CNTN5: variants seen among roughly 807,000 people sequenced by gnomAD.
The protein encoded by CNTN5 is contactin-5.
Under a neutral mutation model 129.1 loss-of-function variants are expected in CNTN5, and 77 were observed. The observed-to-expected ratio is 0.60, with a 90% CI of 0.50 to 0.72. CNTN5 has a LOEUF of 0.72. CNTN5 is among the 30% of genes least tolerant of loss of function. CNTN5 has a pLI of 0.00. For missense variants in CNTN5, 1,478 were observed against 1,328.8 expected, an observed-to-expected ratio of 1.11 and a Z score of -1.75; for synonymous variants, 509 against 465.6, an observed-to-expected ratio of 1.09 and a Z score of -1.20.
intron 6 of CNTN5, among the ~76,000 whole-genome samples, chr11:99,869,685 TGAA>T (rs1348775957): frequency 1.3e-5 from 2 of 152,106 alleles, no homozygotes; most frequent in African/African-American, 4.8e-5. Context: ...GGCCAAAATA[TGAA>T]GAATTGTTAA....
At chr11:99,610,128 A>G (rs1405894981) in intron 3 of CNTN5, among the ~76,000 whole-genome samples, 6 of 152,160 alleles carry the variant, frequency 3.9e-5, no homozygotes, top group African/African-American at 1.4e-4. Flanking sequence ...AAAACACTTA[A>G]CCCTGCTTTC....
chr11:99,920,542 A>G (rs1409617798), intron 7 of CNTN5, among the ~76,000 whole-genome samples: 8 of 152,168 alleles, frequency 5.3e-5, no homozygotes, highest in Admixed American at 4.6e-4. Flanking sequence ...TTCTCTAGCT[A>G]CAGTCTTTTC....
intron 1 of CNTN5, among the ~76,000 whole-genome samples, chr11:99,139,036 T>C (rs1166725595): frequency 6.6e-6 from 1 of 151,272 alleles, no homozygotes; most frequent in Non-Finnish European, 1.5e-5. Context: ...AGCTCAGGAG[T>C]TCAAGACCAA....
chr11:100,147,103 C>A (rs961924306), intron 13 of CNTN5, among the ~76,000 whole-genome samples: 4 of 152,096 alleles, frequency 2.6e-5, no homozygotes, highest in Non-Finnish European at 5.9e-5. Context: ...TTTAGCATGG[C>A]AAACAAGGTC....
At chr11:99,210,933 C>A (rs1017024950) in intron 1 of CNTN5, among the ~76,000 whole-genome samples, 7 of 152,078 alleles carry the variant, frequency 4.6e-5, no homozygotes, top group Admixed American at 3.9e-4. Flanking sequence ...ATATTAAAAA[C>A]CCAATAAATA....
At chr11:100,263,325 A>G (rs11223448) in intron 17 of CNTN5, among the ~76,000 whole-genome samples, 28,735 of 152,160 alleles carry the variant, frequency 0.19, 3,951 homozygotes, top group East Asian at 0.62. Context: ...AAACTCAACC[A>G]GAATATTATG....
At chr11:99,995,277 C>T (rs901904307) in intron 8 of CNTN5, among the ~76,000 whole-genome samples, 1 of 151,418 alleles carries the variant, frequency 6.6e-6, no homozygotes, top group African/African-American at 2.4e-5. Context: ...GAAGCCAAAT[C>T]TTTGTGATAA....
At chr11:100,176,948 C>T (rs1374884115) in intron 13 of CNTN5, among the ~76,000 whole-genome samples, 1 of 151,660 alleles carries the variant, frequency 6.6e-6, no homozygotes, top group Non-Finnish European at 1.5e-5. Context: ...CCGAGATCTT[C>T]CCAGCACAGA....
At chr11:99,088,994 C>T (rs1201583256) in intron 1 of CNTN5, among the ~76,000 whole-genome samples, 2 of 152,026 alleles carry the variant, frequency 1.3e-5, no homozygotes, top group East Asian at 1.9e-4. Flanking sequence ...AACACAACTT[C>T]TGTAAAATAT....
intron 3 of CNTN5, among the ~76,000 whole-genome samples, chr11:99,650,153 C>A (rs556534179): frequency 2.4e-4 from 37 of 151,940 alleles, no homozygotes; most frequent in African/African-American, 8.7e-4. Context: ...CATTATTACT[C>A]AAGTTGAATC....
intron 1 of CNTN5, among the ~76,000 whole-genome samples, chr11:99,139,546 T>C (rs1859411550): frequency 6.6e-6 from 1 of 152,204 alleles, no homozygotes; most frequent in African/African-American, 2.4e-5. Context: ...AAACATTAGT[T>C]AAAGAGCATG....
chr11:99,857,342 A>G (rs1375892562), intron 6 of CNTN5, among the ~76,000 whole-genome samples: 3 of 152,158 alleles, frequency 2.0e-5, no homozygotes, highest in African/African-American at 4.8e-5. Context: ...AAGTGAATTA[A>G]TAAAATATCC....
At chr11:99,730,080 G>T (rs1943480047) in intron 3 of CNTN5, among the ~76,000 whole-genome samples, 1 of 152,096 alleles carries the variant, frequency 6.6e-6, no homozygotes, top group African/African-American at 2.4e-5. Flanking sequence ...TTAAATGAGA[G>T]GGCTAAGATC....
intron 1 of CNTN5, among the ~76,000 whole-genome samples, chr11:99,083,537 A>G (rs1161006460): frequency 6.6e-6 from 1 of 152,124 alleles, no homozygotes; most frequent in African/African-American, 2.4e-5. Flanking sequence ...TATAATATTG[A>G]TTCTTTCTTC....
chr11:99,963,715 G>A (rs1265911277), intron 8 of CNTN5, among the ~76,000 whole-genome samples: 2 of 152,148 alleles, frequency 1.3e-5, no homozygotes, highest in African/African-American at 4.8e-5. Flanking sequence ...GTAGCTTGAT[G>A]GGGATGGCAT....
chr11:99,172,548 TCA>T (rs1353339056), intron 1 of CNTN5, among the ~76,000 whole-genome samples: 1 of 152,192 alleles, frequency 6.6e-6, no homozygotes, highest in Non-Finnish European at 1.5e-5. Flanking sequence ...TCTCTGAAGC[TCA>T]GTTTTTGTAT....
intron 2 of CNTN5, among the ~76,000 whole-genome samples, chr11:99,496,546 G>A (rs1174085479): frequency 1.3e-5 from 2 of 152,128 alleles, no homozygotes; most frequent in East Asian, 3.9e-4. Context: ...TAAAGTATAT[G>A]GGAACAGCAA....
chr11:99,552,216 T>G lies in CNTN5; in HGVS notation c.-70-3929T>G, dbSNP rs75362533. Reference sequence around the variant, plus strand: ...GCTACGCACCTGGTCAGTTTTTGTGTTTTTTTTTTTGTATTATATTTTGCC... The same window carrying G: ...GCTACGCACCTGGTCAGTTTTTGTGGTTTTTTTTTTGTATTATATTTTGCC... On this transcript the variant is annotated intron_variant, in intron 2 of 24. Transcript: ENST00000524871. Among the ~76,000 whole-genome samples the G allele has an allele frequency of 2.8e-3, 388 of 137,112 alleles. 2 individuals are homozygous for G. The highest frequency in any genetic ancestry group is 7.5e-3 in the African/African-American group (267 of 35,490). The allele number at this position is 137,112 out of a possible 152,430, so 90.0% of individuals were successfully genotyped here.
chr11:99,841,879 CATATACAT>C (rs1371859463), intron 4 of CNTN5, among the ~76,000 whole-genome samples: 1 of 77,172 alleles, frequency 1.3e-5, no homozygotes, highest in East Asian at 2.7e-4. Context: ...TATACACATA[CATATACAT>C]ATATATATAT....
Sources: allele counts gnomAD v4.1 joint callset (sites outside exome capture counted in the v4.1 genomes callset), GRCh38; gene constraint gnomAD v4.1.1; transcripts MANE v1.5; gene names NCBI Gene and HGNC (gene_info 2026-07-23, HGNC 2026-07-21).